The following SLC28A1 variants were observed in gnomAD, a reference collection of about 807,000 sequenced individuals.
SLC28A1 encodes sodium/nucleoside cotransporter 1.
In SLC28A1, 64 loss-of-function variants were observed where a neutral mutation model predicts 74.8. The observed-to-expected ratio is 0.86, with a 90% CI of 0.70 to 1.05. SLC28A1 has a LOEUF of 1.05. SLC28A1 is among the 50% of genes least tolerant of loss of function. The pLI is 0.00. For missense variants in SLC28A1, 828 were observed against 822.8 expected, an observed-to-expected ratio of 1.01 and a Z score of -0.08; for synonymous variants, 359 against 335.0, an observed-to-expected ratio of 1.07 and a Z score of -0.78.
intron 12 of SLC28A1, among the ~76,000 whole-genome samples, chr15:84,928,590 CTTTCTTTCTT>C (rs1970851104): frequency 1.3e-4 from 2 of 15,360 alleles, no homozygotes; most frequent in Admixed American, 5.2e-4. Context: ...TTCTTTCTTT[CTTTCTTTCTT>C]TCTTTTCTTT....
rs1353255894 is a variant in SLC28A1 at position 84,887,809 on chromosome 15, G to A, written c.49G>A (p.Val17Met). 6.2e-7 allele frequency: 1 copy of A among 1,614,026 alleles called. No homozygotes were observed. Among genetic ancestry groups the A allele is most frequent in the Non-Finnish European group, 8.5e-7 (1 of 1,179,992 alleles). The change falls in exon 3 of 19, where the codon GTG (valine) becomes ATG (methionine). Residue 17 changes from valine (V) to methionine (M), a missense_variant. This residue lies in a region of SLC28A1 where 767 missense variants were observed against 753.5 expected (regional missense o/e 1.02). Coordinates refer to ENST00000394573, the MANE Select transcript of SLC28A1 (RefSeq NM_004213.5). ...RRRESISLTP[V>M]AKGLENMGAD... ...AAGAGAGTCCATCTCTCTCACACCTGTGGCCAAGGGTCTGGAGAACATGGG... is the reference window on the plus strand; with the variant it reads ...AAGAGAGTCCATCTCTCTCACACCTATGGCCAAGGGTCTGGAGAACATGGG...
intron 6 of SLC28A1, chr15:84,895,390 A>G (rs933114220): frequency 3.7e-6 from 6 of 1,614,048 alleles, no homozygotes; most frequent in Non-Finnish European, 5.1e-6. Flanking sequence ...ATCCCAGGCC[A>G]TGGAGCAAGG....
intron 14 of SLC28A1, 34 bp from the exon 15 acceptor site, chr15:84,935,287 G>C: frequency 1.2e-6 from 2 of 1,613,482 alleles, no homozygotes; most frequent in South Asian, 2.2e-5. Context: ...CCCAGGCCCA[G>C]CCCTCGGTGC....
chr15:84,923,467 C>A (rs74024760), intron 11 of SLC28A1, among the ~76,000 whole-genome samples: 11 of 152,080 alleles, frequency 7.2e-5, no homozygotes. Flanking sequence ...AGGCGCTCAA[C>A]AACTAGATAC....
intron 12 of SLC28A1, among the ~76,000 whole-genome samples, chr15:84,932,666 T>C (rs974065235): frequency 3.3e-5 from 5 of 152,228 alleles, no homozygotes; most frequent in Non-Finnish European, 7.3e-5. Context: ...TTAAATCCAT[T>C]TCATTTCAAC....
At chr15:84,956,061 T>C in the SLC28A1 span, among the ~76,000 whole-genome samples, 2 of 152,284 alleles carry the variant, frequency 1.3e-5, no homozygotes, top group East Asian at 3.9e-4. Flanking sequence ...TTTCGGTAAT[T>C]CCCTCCCCAT....
the SLC28A1 span, among the ~76,000 whole-genome samples, chr15:84,969,617 A>G: frequency 6.6e-6 from 1 of 152,210 alleles, no homozygotes; most frequent in South Asian, 2.1e-4. Flanking sequence ...CAACATGCAG[A>G]GGGGCAGGCT....
At chr15:84,889,861 CT>C (rs796710074) in intron 4 of SLC28A1, among the ~76,000 whole-genome samples, 132 of 136,088 alleles carry the variant, frequency 9.7e-4, no homozygotes, top group Non-Finnish European at 1.2e-3. Context: ...TCCTTTCTCT[CT>C]TTTTTTTTTT....
At chr15:84,911,772 T>C (rs1002140991) in intron 9 of SLC28A1, among the ~76,000 whole-genome samples, 3 of 145,754 alleles carry the variant, frequency 2.1e-5, no homozygotes, top group Non-Finnish European at 4.4e-5. Flanking sequence ...GGCAGGAGAA[T>C]GACTTGAACC....
intron 2 of SLC28A1, 68 bp from the exon 3 acceptor site, chr15:84,887,677 C>T (rs574440003): frequency 1.6e-5 from 25 of 1,580,966 alleles, no homozygotes; most frequent in Admixed American, 1.7e-5. Context: ...CCCCTTTCCC[C>T]GGGCCCCTAA....
chr15:84,935,339 C>A lies in SLC28A1; in HGVS notation c.1402C>A (p.Leu468Met), dbSNP rs752777762. The A allele has an allele frequency of 3.1e-6, 5 of 1,614,140 alleles. No individual in the cohort carries two copies. The East Asian group carries it at 1.1e-4, about 36-fold the overall frequency. ...LSFQLICSYI[L>M]RPVAFLMGVA... ...CCCTCAGCTCATCTGCTCCTACATC[C>A]TGCGGCCTGTAGCCTTCTTGATGGG... is the stretch of plus-strand genomic sequence containing the variant. Residue 468 changes from leucine (L) to methionine (M), a missense_variant, in exon 15 of 19, where the codon CTG (leucine) becomes ATG (methionine). Coordinates refer to ENST00000394573, the MANE Select transcript of SLC28A1 (RefSeq NM_004213.5).
intron 12 of SLC28A1, among the ~76,000 whole-genome samples, chr15:84,931,125 C>G (rs1311116011): frequency 6.6e-6 from 1 of 151,612 alleles, no homozygotes; most frequent in Non-Finnish European, 1.5e-5. Context: ...AGGCTGGTCT[C>G]AAACTCCTGA....
At chr15:84,930,496 G>C (rs1305258508) in intron 12 of SLC28A1, among the ~76,000 whole-genome samples, 1 of 151,916 alleles carries the variant, frequency 6.6e-6, no homozygotes, top group Non-Finnish European at 1.5e-5. Flanking sequence ...TTTAGAAAAA[G>C]AAGAAGGACA....
chr15:84,892,293 G>A (rs73437994), intron 5 of SLC28A1, among the ~76,000 whole-genome samples: 1,702 of 152,274 alleles, frequency 0.011, 41 homozygotes, highest in African/African-American at 0.04. Flanking sequence ...TGAGAGAGGC[G>A]ACAGCAATGA....
At chr15:84,912,797 T>TGCGCGC (rs148740007) in intron 9 of SLC28A1, among the ~76,000 whole-genome samples, 12,369 of 117,878 alleles carry the variant, frequency 0.1, 1,306 homozygotes, top group East Asian at 0.54. Flanking sequence ...TGCCAAATTT[T>TGCGCGC]GCGCGCGCGC....
the SLC28A1 span, among the ~76,000 whole-genome samples, chr15:84,955,981 G>A: frequency 6.6e-6 from 1 of 152,000 alleles, no homozygotes; most frequent in Non-Finnish European, 1.5e-5. Context: ...TCAAATCAAA[G>A]TACAACAGAT....
chr15:84,902,730 A>C (rs7177648), intron 6 of SLC28A1, among the ~76,000 whole-genome samples: 47,383 of 141,646 alleles, frequency 0.33, 8,616 homozygotes, highest in South Asian at 0.58. Flanking sequence ...CAAGCATTTA[A>C]GTTTTTTTTT....
chr15:84,928,370 C>T (rs533789079), intron 12 of SLC28A1, among the ~76,000 whole-genome samples: 1 of 151,830 alleles, frequency 6.6e-6, no homozygotes, highest in African/African-American at 2.4e-5. Context: ...TCTCTTTTGC[C>T]CCCACCTGGC....
chr15:84,965,911 G>GGC, the SLC28A1 span, among the ~76,000 whole-genome samples: 4 of 145,854 alleles, frequency 2.7e-5, no homozygotes, highest in African/African-American at 1.1e-4. Flanking sequence ...GGAGGGGGGG[G>GGC]AAATATTAGG....
Sources: allele counts gnomAD v4.1 joint callset (sites outside exome capture counted in the v4.1 genomes callset), GRCh38; gene constraint gnomAD v4.1.1; regional missense constraint gnomAD v4.1.1; transcripts MANE v1.5; gene names NCBI Gene and HGNC (gene_info 2026-07-23, HGNC 2026-07-21).